Variants in ZHX2 observed in about 807,000 individuals in gnomAD.
ZHX2 encodes zinc fingers and homeoboxes 2.
ZHX2 carries 6 observed loss-of-function variants against 21.9 expected under a neutral mutation model. The ratio of observed to expected loss-of-function variants is 0.27; its 90% confidence interval spans 0.15 to 0.54. The LOEUF is 0.54. Among genes scored for constraint, ZHX2 ranks in the 20% least tolerant of loss-of-function variants. ZHX2 has a pLI of 0.95. For missense variants in ZHX2, 908 were observed against 1,090.7 expected (o/e 0.83, Z 2.36); for synonymous variants, 434 against 437.1 (o/e 0.99, Z 0.09).
At chr8:122,827,733 GTATT>G (rs1279546507) in intron 1 of ZHX2, among the ~76,000 whole-genome samples, 1 of 152,230 alleles carries the variant, frequency 6.6e-6, no homozygotes, top group Non-Finnish European at 1.5e-5. Flanking sequence ...CCTCTTTAAA[GTATT>G]TAGGTTGGTG....
intron 1 of ZHX2, among the ~76,000 whole-genome samples, chr8:122,831,785 C>T (rs1260781601): frequency 2.6e-5 from 4 of 152,266 alleles, no homozygotes; most frequent in East Asian, 1.9e-4. Flanking sequence ...TAGGATACCC[C>T]GTTCTTTCCA....
chr8:122,840,410 T>G (rs963645233), intron 1 of ZHX2, among the ~76,000 whole-genome samples: 6 of 152,174 alleles, frequency 3.9e-5, no homozygotes, highest in Non-Finnish European at 7.3e-5. Flanking sequence ...CAGGTTTAAC[T>G]TCTCTGTGCA....
At chr8:122,787,874 GA>G (rs1476359949) in intron 1 of ZHX2, among the ~76,000 whole-genome samples, 1 of 152,194 alleles carries the variant, frequency 6.6e-6, no homozygotes, top group African/African-American at 2.4e-5. Flanking sequence ...CTAAGTTAAG[GA>G]GGAAGTGGCA....
At chr8:122,843,516 CG>C (rs2130717921) in intron 1 of ZHX2, among the ~76,000 whole-genome samples, 1 of 152,314 alleles carries the variant, frequency 6.6e-6, no homozygotes, top group African/African-American at 2.4e-5. Context: ...TGGCCCCCAC[CG>C]TGAGACAGCA....
At chr8:122,874,125 C>T (rs916561623) in intron 2 of ZHX2, among the ~76,000 whole-genome samples, 9 of 152,122 alleles carry the variant, frequency 5.9e-5, no homozygotes, top group African/African-American at 2.2e-4. Flanking sequence ...GGAGTTGAAT[C>T]TGTGACTGCC....
intron 2 of ZHX2, among the ~76,000 whole-genome samples, chr8:122,939,087 C>T (rs1019940704): frequency 6.6e-6 from 1 of 152,192 alleles, no homozygotes; most frequent in African/African-American, 2.4e-5. Flanking sequence ...ATTTTAACAA[C>T]AGGTACCCTC....
chr8:122,935,443 C>T (rs1222241627), intron 2 of ZHX2, among the ~76,000 whole-genome samples: 5 of 151,992 alleles, frequency 3.3e-5, no homozygotes, highest in Non-Finnish European at 7.4e-5. Context: ...CACTGACACT[C>T]ATGAGTGTGT....
chr8:122,806,468 G>A (rs536095988), intron 1 of ZHX2, among the ~76,000 whole-genome samples: 20 of 152,278 alleles, frequency 1.3e-4, no homozygotes, highest in Admixed American at 7.8e-4. Flanking sequence ...ACTCATGAAC[G>A]CTGCCCAGAA....
chr8:122,881,632 A>G (rs2129789074), intron 2 of ZHX2, among the ~76,000 whole-genome samples: 2 of 152,304 alleles, frequency 1.3e-5, no homozygotes, highest in East Asian at 3.9e-4. Context: ...AGTTTGGGGC[A>G]TGGGGGTGAA....
intron 1 of ZHX2, among the ~76,000 whole-genome samples, chr8:122,843,895 A>G (rs1411810967): frequency 6.9e-6 from 1 of 145,436 alleles, no homozygotes; most frequent in Non-Finnish European, 1.5e-5. Context: ...AAACACAGTA[A>G]TTAGAGAGGA....
intron 1 of ZHX2, among the ~76,000 whole-genome samples, chr8:122,857,289 T>A (rs1716206240): frequency 6.6e-6 from 1 of 151,560 alleles, no homozygotes. Flanking sequence ...CATAAAGAGT[T>A]GTTGAAAGAA....
chr8:122,905,794 T>G (rs1039680914), intron 2 of ZHX2, among the ~76,000 whole-genome samples: 2 of 152,216 alleles, frequency 1.3e-5, no homozygotes, highest in African/African-American at 2.4e-5. Flanking sequence ...GAATTAGTAT[T>G]GGGTTGGCGC....
rs567111497 is a variant in ZHX2 at position 122,845,826 on chromosome 8, C to T, written c.-282-17651C>T. ...AGCATCCGGAGAACAGTGGTAGATG[C>T]TGAGTCAGAAAAGACAGGAAAGAGC... On this transcript the variant is annotated intron_variant, in intron 1 of 3. Transcript: ENST00000314393. Among the ~76,000 whole-genome samples, 18 of 152,324 alleles carry T rather than the reference C, an allele frequency of 1.2e-4. 1 individual carries two copies. In the South Asian group the frequency reaches 3.7e-3, roughly 32 times the overall value.
In ZHX2 at chr8:122,951,889, G is replaced by T; in HGVS notation, c.379G>T (p.Asp127Tyr). 2 of 1,613,898 alleles carry T rather than the reference G, an allele frequency of 1.2e-6. No homozygotes were observed. Among genetic ancestry groups the T allele is most frequent in the South Asian group, 1.1e-5 (1 of 91,040 alleles). The change falls in exon 3 of 4, where the codon GAC becomes TAC. Residue 127 changes from aspartate to tyrosine, a missense_variant. By Grantham distance (160) the Asp-to-Tyr change is radical. Coordinates refer to ENST00000314393, the MANE Select transcript of ZHX2 (RefSeq NM_014943.5). ...FTTKKYDSLS[D>Y]HNSKFHPGEA... The stretch of plus-strand genomic sequence containing the variant: ...AACCAAAAAGTACGACTCCCTATCC[G>T]ACCACAACTCCAAGTTCCATCCCGG...
At chr8:122,927,396 G>A (rs992200757) in intron 2 of ZHX2, among the ~76,000 whole-genome samples, 1 of 152,194 alleles carries the variant, frequency 6.6e-6, no homozygotes, top group East Asian at 1.9e-4. Context: ...TTGGGAGGCC[G>A]AGGCAGGAGA....
At chr8:122,803,529 TC>T (rs1817759068) in intron 1 of ZHX2, among the ~76,000 whole-genome samples, 1 of 152,208 alleles carries the variant, frequency 6.6e-6, no homozygotes, top group African/African-American at 2.4e-5. Context: ...TTTGGCGGCA[TC>T]CCTGGCCTCT....
At chr8:122,947,462 T>C (rs562940247) in intron 2 of ZHX2, among the ~76,000 whole-genome samples, 12 of 152,222 alleles carry the variant, frequency 7.9e-5, no homozygotes, top group Non-Finnish European at 1.3e-4. Context: ...TTAACTAAAC[T>C]CAAAAGGCCA....
intron 1 of ZHX2, among the ~76,000 whole-genome samples, chr8:122,857,742 C>T (rs957276981): frequency 1.6e-4 from 24 of 152,186 alleles, no homozygotes; most frequent in African/African-American, 5.5e-4. Flanking sequence ...GAACTTTCTA[C>T]TCTTATGACT....
chr8:122,882,526 C>G (rs528484704), intron 2 of ZHX2, among the ~76,000 whole-genome samples: 5 of 152,150 alleles, frequency 3.3e-5, no homozygotes, highest in Admixed American at 1.3e-4. Context: ...GACTTTGGGT[C>G]CCCTAGACTT....
Sources: gnomAD v4.1 joint callset for allele counts (sites outside exome capture counted in the v4.1 genomes callset) on GRCh38, gnomAD v4.1.1 for gene constraint, MANE v1.5 for transcripts, NCBI Gene and HGNC (gene_info 2026-07-23, HGNC 2026-07-21) for gene names.